The following PKNOX2 variants were observed in gnomAD, a reference collection of about 807,000 sequenced individuals.
The protein encoded by PKNOX2 is PBX/knotted 1 homeobox 2.
A neutral mutation model predicts 53.1 loss-of-function variants in PKNOX2; 14 were observed. The ratio of observed to expected loss-of-function variants is 0.26; its 90% CI spans 0.17 to 0.41. The LOEUF is 0.41. Ranked by LOEUF, PKNOX2 falls within the 10% of genes least tolerant of loss-of-function variation. The pLI, the probability that PKNOX2 is intolerant of heterozygous loss-of-function variation, is 1.00. For synonymous variants in PKNOX2, 257 were observed against 242.8 expected (o/e 1.06, Z -0.54); for missense variants, 496 against 602.8 (o/e 0.82, Z 1.85).
chr11:125,343,509 A>T (rs1950816854), intron 3 of PKNOX2, among the ~76,000 whole-genome samples: 3 of 152,128 alleles, frequency 2.0e-5, no homozygotes, highest in African/African-American at 7.2e-5. Context: ...GCTGGAGGGG[A>T]GAGTAATGTG....
At chr11:125,253,148 A>G (rs183443926) in intron 2 of PKNOX2, among the ~76,000 whole-genome samples, 63 of 152,320 alleles carry the variant, frequency 4.1e-4, no homozygotes, top group Non-Finnish European at 4.6e-4. Context: ...GGGTCCCTGG[A>G]AGCTTGCCCA....
chr11:125,397,070 A>G (rs1954453601), intron 6 of PKNOX2, among the ~76,000 whole-genome samples: 1 of 152,192 alleles, frequency 6.6e-6, no homozygotes, highest in Admixed American at 6.5e-5. Flanking sequence ...TTTTATGATA[A>G]TAACAGCAGT....
Position 125,240,774 on chromosome 11 carries a change from C to A in PKNOX2, c.-130+5659C>A, listed in dbSNP as rs1002372545. On this transcript the variant is annotated intron_variant, in intron 2 of 12. Transcript: ENST00000298282. This position sits in a 1 kb window ranked among gnomAD's most constrained non-coding sequence, Gnocchi z 4.3. ...GTTTCCAAGTGCTGCTCCCAGTATC[C>A]TTGGCTGTGGGGGGACTAGTGATGG... is the stretch of plus-strand genomic sequence containing the variant. 2.0e-5 allele frequency among the ~76,000 whole-genome samples: 3 copies of A among 152,146 alleles called. No individual in the cohort carries two copies. The highest frequency in any genetic ancestry group is 7.2e-5 in the African/African-American group (3 of 41,436).
chr11:125,187,337 C>A lies in PKNOX2; in HGVS notation c.-201+22561C>A, dbSNP rs376454943. Among the ~76,000 whole-genome samples the A allele has an allele frequency of 8.5e-5, 13 of 152,114 alleles. No individual in the cohort carries two copies. In the South Asian group the frequency reaches 2.5e-3, roughly 29 times the overall value. On this transcript the variant is annotated intron_variant, in intron 1 of 12. Transcript: ENST00000298282. ...TCTAAGCAATATTAAGTCTTTCTATCCATGAACATGGTATATCTTTTCATT... is the reference window on the plus strand; with the variant it reads ...TCTAAGCAATATTAAGTCTTTCTATACATGAACATGGTATATCTTTTCATT...
At chr11:125,194,916 C>T (rs1957094447) in intron 1 of PKNOX2, among the ~76,000 whole-genome samples, 1 of 152,148 alleles carries the variant, frequency 6.6e-6, no homozygotes, top group Admixed American at 6.6e-5. Context: ...TTCCAACATG[C>T]CAGTCATGAC....
intron 4 of PKNOX2, among the ~76,000 whole-genome samples, chr11:125,353,648 T>C (rs1951435294): frequency 6.6e-6 from 1 of 152,224 alleles, no homozygotes; most frequent in Admixed American, 6.5e-5. Flanking sequence ...TCCGCCAGAA[T>C]GTCACCATTT....
chr11:125,179,916 G>A (rs537175018), intron 1 of PKNOX2, among the ~76,000 whole-genome samples: 3 of 152,280 alleles, frequency 2.0e-5, no homozygotes, highest in Admixed American at 6.5e-5. Flanking sequence ...ATTCATTGAC[G>A]TTAAAGCTTA....
At chr11:125,363,216 C>A (rs569445630) in intron 4 of PKNOX2, among the ~76,000 whole-genome samples, 5 of 152,214 alleles carry the variant, frequency 3.3e-5, no homozygotes, top group African/African-American at 1.2e-4. Flanking sequence ...CACTCACCCA[C>A]CCCAGAAATA....
At chr11:125,278,312 C>T (rs1015267130) in intron 2 of PKNOX2, among the ~76,000 whole-genome samples, 1 of 152,092 alleles carries the variant, frequency 6.6e-6, no homozygotes, top group Admixed American at 6.6e-5. Context: ...CAAAGCTGTC[C>T]CCAACAGAAA....
chr11:125,176,884 C>A (rs1339671774), intron 1 of PKNOX2, among the ~76,000 whole-genome samples: 4 of 152,230 alleles, frequency 2.6e-5, no homozygotes. Context: ...CCCTGTCCCC[C>A]TCCTCTGCCA....
Position 125,349,421 on chromosome 11 carries a change from G to A in PKNOX2, c.-22-1863G>A, listed in dbSNP as rs188819220. Among the ~76,000 whole-genome samples, 339 of 152,334 alleles carry A rather than the reference G, an allele frequency of 2.2e-3. 1 individual carries two copies. Among genetic ancestry groups the A allele is most frequent in the African/African-American group, 6.0e-3 (251 of 41,570 alleles). On this transcript the variant is annotated intron_variant, in intron 3 of 12. Transcript: ENST00000298282. ...AAATTGGATCTTAGGGACCAGCGGT[G>A]TGTGAGATGGGCGAGGCCCTGCATG...
At chr11:125,232,892 G>A (rs1267570286) in intron 1 of PKNOX2, among the ~76,000 whole-genome samples, 1 of 140,808 alleles carries the variant, frequency 7.1e-6, no homozygotes, top group African/African-American at 2.7e-5. Context: ...GTTTTGTTTT[G>A]TTTTGCAATA....
chr11:125,393,895 A>G (rs1272060328), intron 6 of PKNOX2, among the ~76,000 whole-genome samples: 1 of 130,410 alleles, frequency 7.7e-6, no homozygotes, highest in Non-Finnish European at 1.6e-5. Context: ...CATAATCCTG[A>G]GAGTCCATAT....
intron 1 of PKNOX2, among the ~76,000 whole-genome samples, chr11:125,194,077 G>A (rs1277828737): frequency 6.6e-6 from 1 of 152,224 alleles, no homozygotes; most frequent in Non-Finnish European, 1.5e-5. Flanking sequence ...CAAGAGCAAC[G>A]TGATGTCTTT....
intron 1 of PKNOX2, among the ~76,000 whole-genome samples, chr11:125,230,320 G>A (rs1357034010): frequency 1.3e-5 from 2 of 152,230 alleles, no homozygotes; most frequent in Non-Finnish European, 2.9e-5. Flanking sequence ...CTGGTCAGGG[G>A]CCACAGTGCC....
chr11:125,281,617 C>T (rs151337475), intron 2 of PKNOX2, among the ~76,000 whole-genome samples: 4 of 152,322 alleles, frequency 2.6e-5, no homozygotes, highest in East Asian at 1.9e-4. Flanking sequence ...AGAATGTAGC[C>T]GGATAACACA....
intron 2 of PKNOX2, chr11:125,266,927 G>A (rs905272478): frequency 2.0e-5 from 3 of 152,238 alleles, no homozygotes; most frequent in Non-Finnish European, 4.4e-5. Context: ...CGTTGTGCTA[G>A]GGCCTTAGGA....
intron 1 of PKNOX2, among the ~76,000 whole-genome samples, chr11:125,202,650 T>A (rs372033929): frequency 1.3e-5 from 2 of 151,962 alleles, no homozygotes; most frequent in African/African-American, 4.8e-5. Flanking sequence ...CCACCTTCCA[T>A]TGGAGCCTTC....
chr11:125,176,788 G>A (rs1357426222), intron 1 of PKNOX2, among the ~76,000 whole-genome samples: 2 of 152,190 alleles, frequency 1.3e-5, no homozygotes, highest in African/African-American at 2.4e-5. Context: ...AGACAGCTGG[G>A]CACCAGGAGA....
Sources: allele counts gnomAD v4.1 joint callset (sites outside exome capture counted in the v4.1 genomes callset), GRCh38; gene constraint gnomAD v4.1.1; non-coding constraint Gnocchi (gnomAD v3.1); transcripts MANE v1.5; gene names NCBI Gene and HGNC (gene_info 2026-07-23, HGNC 2026-07-21).